CA12: variants seen among roughly 807,000 people sequenced by gnomAD.
The protein encoded by CA12 is carbonic anhydrase 12.
Under a neutral mutation model 46.8 loss-of-function variants are expected in CA12, and 36 were observed. The ratio of observed to expected loss-of-function variants is 0.77; its 90% CI spans 0.59 to 1.02. The LOEUF (loss-of-function observed/expected upper bound fraction) is 1.02. Among genes scored for constraint, CA12 ranks in the 50% least tolerant of loss-of-function variants. CA12 has a pLI of 0.00. For synonymous variants in CA12, 202 were observed against 187.0 expected (o/e 1.08, Z -0.65); for missense variants, 436 against 451.4 (o/e 0.97, Z 0.31).
At position 63,323,729 on chromosome 15, in the gene CA12, G is replaced by A. The variant is rs186736396; in HGVS notation, c.*2556C>T. On this transcript the variant is annotated 3_prime_UTR_variant, in exon 11 of 11. Transcript: ENST00000178638. The surrounding 1 kb of genome is among the most constrained non-coding windows in gnomAD (Gnocchi z 5.1). ...CACCTTCAGAGAGGCTAGTGAAGAG[G>A]AGAGGAATGTAGGGTGAATTTGAAA... 6.5e-6 allele frequency: 1 copy of A among 152,774 alleles called. No homozygotes were observed. Among genetic ancestry groups the A allele is most frequent in the East Asian group, 1.9e-4 (1 of 5,188 alleles). The allele number at this position is 152,774 out of a possible 1,614,324, so 9.5% of individuals were successfully genotyped here. A position where few individuals can be genotyped will look rare whatever the true frequency, so the allele number is the denominator to read the frequency against.
intron 2 of CA12, among the ~76,000 whole-genome samples, chr15:63,359,512 T>TAC (rs556674711): frequency 1.1e-3 from 169 of 151,384 alleles, no homozygotes; most frequent in Non-Finnish European, 1.9e-3. Context: ...CATATATATG[T>TAC]ACACACACAC....
At chr15:63,375,709 C>CATGATGAGT (rs2039561705) in intron 1 of CA12, 31 bp from the exon 2 acceptor site, 2 of 1,553,280 alleles carry the variant, frequency 1.3e-6, no homozygotes, top group Admixed American at 3.4e-5. Flanking sequence ...TAAGTAAGTA[C>CATGATGAGT]AATGGAACCA....
intron 2 of CA12, 80 bp downstream of exon 2, chr15:63,375,578 A>G: frequency 1.1e-6 from 1 of 927,748 alleles, no homozygotes; most frequent in Non-Finnish European, 1.7e-6. Context: ...TCCACAGAGC[A>G]TGAAGTTTCT....
At position 63,328,024 on chromosome 15, in the gene CA12, C is replaced by T. The variant is rs189841480; in HGVS notation, c.907+74G>A. 7.2e-5 allele frequency: 100 copies of T among 1,397,938 alleles called. No homozygotes were observed. The highest frequency in any genetic ancestry group is 4.0e-4 in the South Asian group (35 of 86,430). 86.6% of individuals were successfully genotyped at this position (1,397,938 alleles called of 1,614,324 possible). On this transcript the variant is annotated intron_variant, in intron 9 of 10. Coordinates refer to ENST00000178638, the MANE Select transcript of CA12 (RefSeq NM_001218.5). The surrounding 1 kb of genome is among the most constrained non-coding windows in gnomAD (Gnocchi z 5.9). Reference sequence around the variant, plus strand: ...CAATAGTACAGAGAAGCAGAGAGGACGGGCTTGGATCACACCAAGAATCAC... The same window carrying T: ...CAATAGTACAGAGAAGCAGAGAGGATGGGCTTGGATCACACCAAGAATCAC...
rs2039528136 is a variant in CA12 at position 63,373,149 on chromosome 15, G to A, written c.106+2509C>T. 6.6e-6 allele frequency among the ~76,000 whole-genome samples: 1 copy of A among 152,178 alleles called. No individual in the cohort carries two copies. Among genetic ancestry groups the A allele is most frequent in the Non-Finnish European group, 1.5e-5 (1 of 68,030 alleles). Reference sequence around the variant, plus strand: ...AGAGGCCGAGGTGGGCAGAACACTTGAGATCAGGAGTTCGAGACCAGCCTG... The same window carrying A: ...AGAGGCCGAGGTGGGCAGAACACTTAAGATCAGGAGTTCGAGACCAGCCTG... On this transcript the variant is annotated intron_variant, in intron 2 of 10. Coordinates refer to ENST00000178638, the MANE Select transcript of CA12 (RefSeq NM_001218.5). The surrounding 1 kb of genome is among the most constrained non-coding windows in gnomAD (Gnocchi z 4.9).
chr15:63,327,283 C>T lies in CA12; in HGVS notation c.908-50G>A, dbSNP rs1215503310. On this transcript the variant is annotated intron_variant, in intron 9 of 10. Transcript: ENST00000178638. This position sits in a 1 kb window ranked among gnomAD's most constrained non-coding sequence, Gnocchi z 4.5. ...ATTACATTCCTTCCTTCCCCTCCAT[C>T]TTAGCCCATGGCCCCCGGGTGTGAA... 4.1e-6 allele frequency: 6 copies of T among 1,467,874 alleles called. No individual in the cohort carries two copies. Among genetic ancestry groups the T allele is most frequent in the South Asian group, 1.2e-5 (1 of 85,508 alleles). The allele number at this position is 1,467,874 out of a possible 1,614,324, so 90.9% of individuals were successfully genotyped here.
intron 8 of CA12, among the ~76,000 whole-genome samples, chr15:63,335,061 C>G (rs1411418606): frequency 6.6e-6 from 1 of 152,182 alleles, no homozygotes; most frequent in Non-Finnish European, 1.5e-5. Context: ...CAGTGGTTTT[C>G]CATCAGGGGA....
chr15:63,328,272 G>A lies in CA12; in HGVS notation c.875-142C>T, dbSNP rs1050086975. ...GATGTCCACCCTTGGCTCAGGGATT[G>A]CCTGATGAAGTACAGGAAATTGCCC... On this transcript the variant is annotated intron_variant, in intron 8 of 10. Coordinates refer to ENST00000178638, the MANE Select transcript of CA12 (RefSeq NM_001218.5). This position sits in a 1 kb window ranked among gnomAD's most constrained non-coding sequence, Gnocchi z 5.9. 2.7e-6 allele frequency: 2 copies of A among 751,112 alleles called. No individual in the cohort carries two copies. The highest frequency in any genetic ancestry group is 4.7e-6 in the Non-Finnish European group (2 of 421,286). 46.5% of individuals were successfully genotyped at this position (751,112 alleles called of 1,614,324 possible).
At position 63,327,357 on chromosome 15, in the gene CA12, T is replaced by A; in HGVS notation, c.908-124A>T. On this transcript the variant is annotated intron_variant, in intron 9 of 10. Transcript: ENST00000178638. This position sits in a 1 kb window ranked among gnomAD's most constrained non-coding sequence, Gnocchi z 4.5. ...TCCACAGAAAGGAATAATTTCCCCA[T>A]CCCTGTTCTCAGATTCTGGTCTTTG... is the stretch of plus-strand genomic sequence containing the variant. 1.3e-6 allele frequency: 1 copy of A among 796,322 alleles called. No homozygotes were observed. Among genetic ancestry groups the A allele is most frequent in the South Asian group, 1.5e-5 (1 of 68,234 alleles). 49.3% of individuals were successfully genotyped at this position (796,322 alleles called of 1,614,324 possible). A position where few individuals can be genotyped will look rare whatever the true frequency, so the allele number is the denominator to read the frequency against.
intron 8 of CA12, among the ~76,000 whole-genome samples, chr15:63,336,862 C>T (rs1292156416): frequency 5.3e-5 from 8 of 152,078 alleles, no homozygotes; most frequent in South Asian, 4.2e-4. Flanking sequence ...AGAACAGAGC[C>T]GGCAATGGGG....
intron 2 of CA12, among the ~76,000 whole-genome samples, chr15:63,352,787 C>T (rs2039250208): frequency 2.0e-5 from 3 of 152,100 alleles, no homozygotes; most frequent in Admixed American, 6.6e-5. Context: ...TGGTTAGTCC[C>T]TCAAAGTTTG....
At chr15:63,375,811 CT>C (rs200331670) in intron 1 of CA12, 133 bp from the exon 2 acceptor site, 66,180 of 474,056 alleles carry the variant, frequency 0.14, no homozygotes, top group South Asian at 0.19. Context: ...TTTTCTTTTT[CT>C]TTTTTTTTTT....
In CA12 at chr15:63,357,295, C is replaced by A. The variant is rs9989288; in HGVS notation, c.107-10586G>T. Among the ~76,000 whole-genome samples, 91 of 152,166 alleles carry A rather than the reference C, an allele frequency of 6.0e-4. 1 individual carries two copies. In the East Asian group the frequency reaches 0.012, roughly 19 times the overall value. On this transcript the variant is annotated intron_variant, in intron 2 of 10. Coordinates refer to ENST00000178638, the MANE Select transcript of CA12 (RefSeq NM_001218.5). ...TCAGAGTTTCTGATTCAGTACTTCA[C>A]GGACGGAGCCCTAGCATCTGCATTT...
intron 1 of CA12, among the ~76,000 whole-genome samples, chr15:63,379,490 A>G (rs187760953): frequency 6.6e-6 from 1 of 152,326 alleles, no homozygotes; most frequent in East Asian, 1.9e-4. Flanking sequence ...CTGATTCCAC[A>G]AGCGAGGCCA....
chr15:63,357,110 A>G (rs2039304634), intron 2 of CA12, among the ~76,000 whole-genome samples: 1 of 152,182 alleles, frequency 6.6e-6, no homozygotes, highest in Non-Finnish European at 1.5e-5. Flanking sequence ...GGCACCCTTT[A>G]TGGAACCAAA....
At chr15:63,334,799 C>A (rs566984730) in intron 8 of CA12, among the ~76,000 whole-genome samples, 1 of 152,184 alleles carries the variant, frequency 6.6e-6, no homozygotes, top group African/African-American at 2.4e-5. Flanking sequence ...TCTCACGCTA[C>A]GTCTCTTGGT....
chr15:63,354,315 C>G (rs774520171), intron 2 of CA12, among the ~76,000 whole-genome samples: 28 of 152,232 alleles, frequency 1.8e-4, no homozygotes, highest in Non-Finnish European at 4.4e-5. Flanking sequence ...CTTGCCATAG[C>G]AGGCCAACTC....
chr15:63,350,750 A>G (rs2039218933), intron 2 of CA12, among the ~76,000 whole-genome samples: 1 of 151,708 alleles, frequency 6.6e-6, no homozygotes, highest in Non-Finnish European at 1.5e-5. Flanking sequence ...GAATGTTTTT[A>G]CAGAAAATTT....
intron 8 of CA12, among the ~76,000 whole-genome samples, chr15:63,332,536 G>A (rs1567041364): frequency 6.6e-6 from 1 of 152,222 alleles, no homozygotes; most frequent in African/African-American, 2.4e-5. Flanking sequence ...TGTCTTCACT[G>A]TCCCTGGGGA....
Sources: gnomAD v4.1 joint callset for allele counts (sites outside exome capture counted in the v4.1 genomes callset) on GRCh38, gnomAD v4.1.1 for gene constraint, Gnocchi (gnomAD v3.1) non-coding constraint, MANE v1.5 for transcripts, NCBI Gene and HGNC (gene_info 2026-07-23, HGNC 2026-07-21) for gene names.